Variants in BRINP3 observed in about 807,000 individuals in gnomAD.
BRINP3 encodes BMP/retinoic acid inducible neural specific 3, also known as BMP/retinoic acid-inducible neural-specific protein 3.
BRINP3 carries 19 observed loss-of-function variants against 71.0 expected under a neutral mutation model. That is an observed-to-expected ratio of 0.27 (90% CI 0.19 to 0.39). The LOEUF (loss-of-function observed/expected upper bound fraction) is 0.39. Among genes scored for constraint, BRINP3 ranks in the 10% least tolerant of loss-of-function variants. The pLI is 1.00. For missense variants in BRINP3, 959 were observed against 940.8 expected (o/e 1.02, Z -0.25); for synonymous variants, 380 against 337.7 (o/e 1.13, Z -1.37).
At chr1:190,199,174 C>G (rs1654766937) in intron 6 of BRINP3, among the ~76,000 whole-genome samples, 1 of 152,132 alleles carries the variant, frequency 6.6e-6, no homozygotes, top group Non-Finnish European at 1.5e-5. Flanking sequence ...GCACAGGAAA[C>G]ACCCATTTCC....
intron 2 of BRINP3, among the ~76,000 whole-genome samples, chr1:190,453,289 C>T (rs1352971997): frequency 8.0e-6 from 1 of 124,792 alleles, no homozygotes; most frequent in Non-Finnish European, 1.6e-5. Flanking sequence ...GGCGCGATCT[C>T]GGCTCACTGC....
chr1:190,420,372 G>A (rs948989286), intron 2 of BRINP3, among the ~76,000 whole-genome samples: 4 of 151,954 alleles, frequency 2.6e-5, no homozygotes, highest in Non-Finnish European at 5.9e-5. Context: ...ATTATTCACA[G>A]GGGAGAAGAA....
chr1:190,318,878 A>C (rs1446772144), intron 2 of BRINP3, among the ~76,000 whole-genome samples: 2 of 152,256 alleles, frequency 1.3e-5, no homozygotes, highest in Non-Finnish European at 2.9e-5. Context: ...TTTTCTGCTT[A>C]GTATGTAATA....
chr1:190,327,282 T>A, intron 2 of BRINP3, among the ~76,000 whole-genome samples: 1 of 127,914 alleles, frequency 7.8e-6, no homozygotes, highest in African/African-American at 3.0e-5. Flanking sequence ...GCCATTGTAC[T>A]CTGGCCTGGG....
intron 7 of BRINP3, among the ~76,000 whole-genome samples, chr1:190,111,045 T>C (rs1030704946): frequency 6.6e-6 from 1 of 151,344 alleles, no homozygotes; most frequent in Non-Finnish European, 1.5e-5. Flanking sequence ...GGGCGTGGTG[T>C]TGGGCGCCTG....
chr1:190,300,651 C>G (rs1287439129), intron 2 of BRINP3, among the ~76,000 whole-genome samples: 1 of 152,074 alleles, frequency 6.6e-6, no homozygotes, highest in South Asian at 2.1e-4. Flanking sequence ...TGGGAGGCAC[C>G]CCCCAGCAGG....
chr1:190,177,164 T>TA (rs1251862494), intron 6 of BRINP3, among the ~76,000 whole-genome samples: 1 of 124,394 alleles, frequency 8.0e-6, no homozygotes, highest in African/African-American at 3.1e-5. Flanking sequence ...TTTTTTTTTT[T>TA]TTTTTTTTTT....
chr1:190,383,762 G>A (rs1025599222), intron 2 of BRINP3, among the ~76,000 whole-genome samples: 1 of 151,728 alleles, frequency 6.6e-6, no homozygotes, highest in Admixed American at 6.6e-5. Context: ...TAATGTTTGT[G>A]AAAAAACACT....
At chr1:190,226,409 A>T in intron 5 of BRINP3, 91 bp from the exon 6 acceptor site, 1 of 660,276 alleles carries the variant, frequency 1.5e-6, no homozygotes, top group Non-Finnish European at 2.4e-6. Flanking sequence ...AACAGTAAAT[A>T]ATTTAGTGTA....
At position 190,349,668 on chromosome 1, in the gene BRINP3, T is replaced by C. The variant is rs79595052; in HGVS notation, c.237-67918A>G. ...TACAGCCAGTTTTGAATTAACACTTTGCATTCTTCACATAACCTACAGAAG... is the reference window on the plus strand; with the variant it reads ...TACAGCCAGTTTTGAATTAACACTTCGCATTCTTCACATAACCTACAGAAG... On this transcript the variant is annotated intron_variant, in intron 2 of 7. Transcript: ENST00000367462. Among the ~76,000 whole-genome samples, 106 of 152,254 alleles carry C rather than the reference T, an allele frequency of 7.0e-4. 2 individuals are homozygous for C. The East Asian group carries it at 0.014, about 20-fold the overall frequency.
At chr1:190,321,347 TAC>T (rs1666225703) in intron 2 of BRINP3, among the ~76,000 whole-genome samples, 1 of 152,130 alleles carries the variant, frequency 6.6e-6, no homozygotes, top group African/African-American at 2.4e-5. Context: ...CCTCCTAAAG[TAC>T]CATTCATGTA....
intron 2 of BRINP3, among the ~76,000 whole-genome samples, chr1:190,406,848 C>T (rs1444350207): frequency 6.6e-6 from 1 of 152,096 alleles, no homozygotes; most frequent in Non-Finnish European, 1.5e-5. Context: ...TAATTCACTT[C>T]ATTTAAAAGA....
chr1:190,415,878 A>C (rs904219470), intron 2 of BRINP3, among the ~76,000 whole-genome samples: 3 of 152,244 alleles, frequency 2.0e-5, no homozygotes, highest in African/African-American at 7.2e-5. Context: ...CTGTCCGCCA[A>C]GCTGGGTGAC....
At chr1:190,401,877 A>G (rs1671951480) in intron 2 of BRINP3, among the ~76,000 whole-genome samples, 1 of 152,074 alleles carries the variant, frequency 6.6e-6, no homozygotes, top group Non-Finnish European at 1.5e-5. Flanking sequence ...TTGAAGTTAC[A>G]TTACCCAACC....
intron 2 of BRINP3, among the ~76,000 whole-genome samples, chr1:190,286,101 G>A (rs1030000068): frequency 1.3e-5 from 2 of 152,072 alleles, no homozygotes; most frequent in Non-Finnish European, 2.9e-5. Flanking sequence ...GCTGTAACCA[G>A]TTTAACCAGA....
intron 1 of BRINP3, among the ~76,000 whole-genome samples, chr1:190,461,954 C>T (rs1024517381): frequency 6.6e-6 from 1 of 152,030 alleles, no homozygotes; most frequent in Non-Finnish European, 1.5e-5. Flanking sequence ...GACGGAGTTT[C>T]GCCAGGCTGG....
In BRINP3 at chr1:190,352,839, T is replaced by TTCTC. The variant is rs35659970; in HGVS notation, c.237-71093_237-71090dup. Among the ~76,000 whole-genome samples, 244 of 146,444 alleles carry TTCTC rather than the reference T, an allele frequency of 1.7e-3. 3 individuals are homozygous for TTCTC. Among genetic ancestry groups the TTCTC allele is most frequent in the African/African-American group, 4.0e-3 (158 of 39,326 alleles). ...CAGAGTGATTATACTGCAACAGATA[T>TTCTC]TCTCTCTCTCTCTCTCTCTCTGTGT... On this transcript the variant is annotated intron_variant, in intron 2 of 7. Transcript: ENST00000367462.
rs764396400 is a variant in BRINP3, at chr1:190,454,674, T to C, written c.217A>G (p.Thr73Ala). Residue 73 changes from threonine to alanine, a missense_variant, in exon 2 of 8, where the codon ACA becomes GCA. Physicochemically the swap from Thr to Ala is moderately conservative, Grantham distance 58. Transcript: ENST00000367462. ...FVDRSRQGFS[T>A]RYKIYREFGR... ...TCATACCTGTATATCTTGTATCTTG[T>C]GCTAAATCCCTGCCGGCTTCTGTCC... is the stretch of plus-strand genomic sequence containing the variant. The C allele has an allele frequency of 3.1e-5, 50 of 1,613,880 alleles. No homozygotes were observed. The Admixed American group carries it at 4.5e-4, about 15-fold the overall frequency.
chr1:190,438,816 A>G (rs970607743), intron 2 of BRINP3, among the ~76,000 whole-genome samples: 1 of 151,910 alleles, frequency 6.6e-6, no homozygotes, highest in Non-Finnish European at 1.5e-5. Context: ...TAATAGTGAC[A>G]CACTACCAGT....
Sources: allele counts gnomAD v4.1 joint callset (sites outside exome capture counted in the v4.1 genomes callset), GRCh38; gene constraint gnomAD v4.1.1; transcripts MANE v1.5; gene names NCBI Gene and HGNC (gene_info 2026-07-23, HGNC 2026-07-21).